Variants in KDM1B observed in about 807,000 individuals in gnomAD.
KDM1B encodes the protein lysine-specific histone demethylase 2.
KDM1B carries 63 observed loss-of-function variants against 107.4 expected under a neutral mutation model. The ratio of observed to expected loss-of-function variants is 0.59; its 90% CI spans 0.48 to 0.72. The LOEUF (loss-of-function observed/expected upper bound fraction) is 0.72. Among genes scored for constraint, KDM1B ranks in the 30% least tolerant of loss-of-function variants. The pLI is 0.00. For synonymous variants in KDM1B, 363 were observed against 363.9 expected, an observed-to-expected ratio of 1.00 and a Z score of 0.03; for missense variants, 749 against 1,020.8, an observed-to-expected ratio of 0.73 and a Z score of 3.63.
chr6:18,206,481 C>T (rs111355389), intron 15 of KDM1B, among the ~76,000 whole-genome samples: 5,778 of 152,300 alleles, frequency 0.038, 123 homozygotes, highest in Middle Eastern at 0.071. Flanking sequence ...GGTGCTACCA[C>T]ACTGCTGCCT....
chr6:18,188,024 C>A, intron 9 of KDM1B, 22 bp downstream of exon 9: 2 of 1,542,614 alleles, frequency 1.3e-6, no homozygotes, highest in Non-Finnish European at 1.8e-6. Context: ...TCCTGGGACT[C>A]CCTGCTTTCT....
At chr6:18,202,441 TA>T (rs1321322192) in intron 14 of KDM1B, among the ~76,000 whole-genome samples, 1 of 152,154 alleles carries the variant, frequency 6.6e-6, no homozygotes, top group African/African-American at 2.4e-5. Context: ...TTGGCTTTTG[TA>T]CTTAAATGGG....
intron 21 of KDM1B, among the ~76,000 whole-genome samples, chr6:18,221,557 G>C (rs1789745353): frequency 1.3e-5 from 2 of 152,148 alleles, no homozygotes; most frequent in Admixed American, 1.3e-4. Context: ...TGGCTTGGCT[G>C]AACTGCCATT....
rs374909588 is a variant in KDM1B, at chr6:18,197,555, C to T, written c.1147-32C>T. 1 of 1,562,240 alleles carries T rather than the reference C, an allele frequency of 6.4e-7. No individual in the cohort carries two copies. Among genetic ancestry groups the T allele is most frequent in the Non-Finnish European group, 8.8e-7 (1 of 1,133,930 alleles). ...AAACAGGACGTTGTTATCATCTGCT[C>T]TAATTGGACTTTTGTTTCTTTTCTT... On this transcript the variant is annotated intron_variant, in intron 11 of 21. Transcript: ENST00000650836. This position sits in a 1 kb window ranked among gnomAD's most constrained non-coding sequence, Gnocchi z 4.5.
At position 18,197,272 on chromosome 6, in the gene KDM1B, T is replaced by A; in HGVS notation, c.1146+39T>A. On this transcript the variant is annotated intron_variant, in intron 11 of 21. Coordinates refer to ENST00000650836, the MANE Select transcript of KDM1B (RefSeq NM_001364614.2). The surrounding 1 kb of genome is among the most constrained non-coding windows in gnomAD (Gnocchi z 4.5). ...GCTTTAGCGATAGCCTTGCCATTGA[T>A]CAGGACAAACGCTAGTCTGTTGCTG... is the stretch of plus-strand genomic sequence containing the variant. The A allele has an allele frequency of 1.3e-6, 2 of 1,572,712 alleles. No homozygotes were observed. The highest frequency in any genetic ancestry group is 1.1e-5 in the South Asian group (1 of 89,496).
chr6:18,207,866 T>C (rs553441482), intron 16 of KDM1B, among the ~76,000 whole-genome samples: 1 of 152,332 alleles, frequency 6.6e-6, no homozygotes, highest in African/African-American at 2.4e-5. Context: ...ATTGTAATCA[T>C]GGGGGTGATT....
intron 7 of KDM1B, among the ~76,000 whole-genome samples, chr6:18,182,516 G>T (rs1037156662): frequency 6.6e-6 from 1 of 151,890 alleles, no homozygotes; most frequent in African/African-American, 2.4e-5. Flanking sequence ...TATATAAAGA[G>T]CTCTTCTTTC....
chr6:18,180,920 A>G (rs1298666720), intron 7 of KDM1B, among the ~76,000 whole-genome samples: 1 of 152,178 alleles, frequency 6.6e-6, no homozygotes, highest in Non-Finnish European at 1.5e-5. Context: ...CTGTAATTGG[A>G]GTGATCCGTA....
intron 21 of KDM1B, among the ~76,000 whole-genome samples, chr6:18,218,993 C>G (rs1358163155): frequency 1.3e-5 from 2 of 152,162 alleles, no homozygotes; most frequent in Non-Finnish European, 2.9e-5. Flanking sequence ...AGCTCTGCCT[C>G]CTGGGTTCAC....
rs1787279084 is a variant in KDM1B, at chr6:18,191,447, C to T, written c.969+66C>T. ...GGACCATGTTGAAAAGGAGGGGATACTTCATCTGGGGATGGAACCTTTTAT... is the reference window on the plus strand; with the variant it reads ...GGACCATGTTGAAAAGGAGGGGATATTTCATCTGGGGATGGAACCTTTTAT... On this transcript the variant is annotated intron_variant, in intron 10 of 21. Transcript: ENST00000650836. This position sits in a 1 kb window ranked among gnomAD's most constrained non-coding sequence, Gnocchi z 5.1. 6.2e-6 allele frequency: 9 copies of T among 1,450,214 alleles called. No individual in the cohort carries two copies. The highest frequency in any genetic ancestry group is 8.4e-6 in the Non-Finnish European group (9 of 1,077,506). 89.8% of individuals were successfully genotyped at this position (1,450,214 alleles called of 1,614,324 possible). A position where few individuals can be genotyped will look rare whatever the true frequency, so the allele number is the denominator to read the frequency against.
chr6:18,212,343 A>T lies in KDM1B; in HGVS notation c.1867-145A>T, dbSNP rs994778022. On this transcript the variant is annotated intron_variant, in intron 17 of 21. Transcript: ENST00000650836. The surrounding 1 kb of genome is among the most constrained non-coding windows in gnomAD (Gnocchi z 5.2). ...CACTTCTGCTTAGCCAGGCATTGGCACCCTTGTGCAGTGAGCAACCTGCAC... is the reference window on the plus strand; with the variant it reads ...CACTTCTGCTTAGCCAGGCATTGGCTCCCTTGTGCAGTGAGCAACCTGCAC... The T allele has an allele frequency of 1.6e-5, 11 of 681,108 alleles. No individual in the cohort carries two copies. In the Admixed American group the frequency reaches 2.1e-4, roughly 13 times the overall value. 42.2% of individuals were successfully genotyped at this position (681,108 alleles called of 1,614,324 possible).
At chr6:18,176,177 T>G (rs1458188716) in intron 7 of KDM1B, among the ~76,000 whole-genome samples, 2 of 152,186 alleles carry the variant, frequency 1.3e-5, no homozygotes, top group Non-Finnish European at 2.9e-5. Flanking sequence ...GACTCCTTGG[T>G]TAGGTTTATT....
At chr6:18,180,431 T>C (rs1786380573) in intron 7 of KDM1B, among the ~76,000 whole-genome samples, 1 of 152,218 alleles carries the variant, frequency 6.6e-6, no homozygotes, top group African/African-American at 2.4e-5. Flanking sequence ...ACTATTTTAA[T>C]AGATTCTACT....
intron 7 of KDM1B, among the ~76,000 whole-genome samples, chr6:18,177,018 C>T (rs940905691): frequency 1.3e-5 from 2 of 152,138 alleles, no homozygotes; most frequent in Non-Finnish European, 2.9e-5. Context: ...TCCTCTTTAT[C>T]TTGTGGAATA....
At chr6:18,157,042 AAAAG>A (rs1210708723) in intron 2 of KDM1B, among the ~76,000 whole-genome samples, 4 of 152,212 alleles carry the variant, frequency 2.6e-5, no homozygotes, top group Non-Finnish European at 5.9e-5. Flanking sequence ...TTATCACATT[AAAAG>A]AAAACCAAAG....
In KDM1B at chr6:18,203,423, G is replaced by A. The variant is rs1788171655; in HGVS notation, c.1531+1766G>A. ...CTGTGTAAGGCTATAGTTATATCCT[G>A]CCTGTTGGTATCTTAGCTGTCTGAG... On this transcript the variant is annotated intron_variant, in intron 14 of 21. Coordinates refer to ENST00000650836, the MANE Select transcript of KDM1B (RefSeq NM_001364614.2). The surrounding 1 kb of genome is among the most constrained non-coding windows in gnomAD (Gnocchi z 5.5). 6.6e-6 allele frequency among the ~76,000 whole-genome samples: 1 copy of A among 152,154 alleles called. No individual in the cohort carries two copies. The highest frequency in any genetic ancestry group is 1.5e-5 in the Non-Finnish European group (1 of 68,030).
intron 21 of KDM1B, among the ~76,000 whole-genome samples, chr6:18,220,190 C>A (rs894176339): frequency 5.3e-5 from 8 of 152,186 alleles, no homozygotes; most frequent in East Asian, 3.8e-4. Flanking sequence ...GTTCCTACTT[C>A]GTTTAATATG....
intron 9 of KDM1B, among the ~76,000 whole-genome samples, chr6:18,190,566 A>C (rs1026465628): frequency 1.3e-5 from 2 of 151,096 alleles, no homozygotes; most frequent in African/African-American, 2.4e-5. Context: ...CGCGCCACTG[A>C]ACTCCAGCCA....
chr6:18,156,570 T>C (rs1384468991), intron 2 of KDM1B, among the ~76,000 whole-genome samples: 2 of 152,154 alleles, frequency 1.3e-5, no homozygotes, highest in African/African-American at 4.8e-5. Flanking sequence ...TTTGCCTTGC[T>C]GGGAGAATCA....
Sources: gnomAD v4.1 joint callset for allele counts (sites outside exome capture counted in the v4.1 genomes callset) on GRCh38, gnomAD v4.1.1 for gene constraint, Gnocchi (gnomAD v3.1) non-coding constraint, MANE v1.5 for transcripts, NCBI Gene and HGNC (gene_info 2026-07-23, HGNC 2026-07-21) for gene names.